SLC39A11: variants seen among roughly 807,000 people sequenced by gnomAD.
SLC39A11 encodes the protein solute carrier family 39 member 11, also known as zinc transporter ZIP11.
SLC39A11 carries 33 observed loss-of-function variants against 36.1 expected under a neutral mutation model. The ratio of observed to expected loss-of-function variants is 0.91; its 90% confidence interval spans 0.69 to 1.22. SLC39A11 has a LOEUF of 1.22. Among genes scored for constraint, SLC39A11 ranks in the 50% most tolerant of loss-of-function variants. The pLI is 0.00. For synonymous variants in SLC39A11, 166 were observed against 170.3 expected (o/e 0.97, Z 0.20); for missense variants, 432 against 430.3 (o/e 1.00, Z -0.03).
Position 72,837,747 on chromosome 17 carries a change from C to G in SLC39A11, c.601+11887G>C, listed in dbSNP as rs79879356. On this transcript the variant is annotated intron_variant, in intron 6 of 9. Transcript: ENST00000255559. The stretch of plus-strand genomic sequence containing the variant: ...TTACTGATACATGCTACAACATCAA[C>G]GAAACTTGGAAGCATCATGCCAAGT... The G allele has an allele frequency of 6.1e-5, 18 of 295,964 alleles. No individual in the cohort carries two copies. In the East Asian group the frequency reaches 9.9e-4, roughly 16 times the overall value. 18.3% of individuals were successfully genotyped at this position (295,964 alleles called of 1,614,324 possible). A position where few individuals can be genotyped will look rare whatever the true frequency, so the allele number is the denominator to read the frequency against.
intron 4 of SLC39A11, among the ~76,000 whole-genome samples, chr17:72,950,311 CCT>C (rs910310717): frequency 3.3e-5 from 5 of 152,190 alleles, no homozygotes; most frequent in African/African-American, 1.2e-4. Flanking sequence ...TGGGTATCCA[CCT>C]CTTCTGTCAC....
At chr17:72,963,498 C>G (rs2147954655) in intron 4 of SLC39A11, among the ~76,000 whole-genome samples, 1 of 151,218 alleles carries the variant, frequency 6.6e-6, no homozygotes, top group Admixed American at 6.6e-5. Flanking sequence ...TAAGGGCCAT[C>G]TCAGATCTCC....
chr17:72,781,477 G>T (rs532054896), intron 6 of SLC39A11, among the ~76,000 whole-genome samples: 2 of 151,232 alleles, frequency 1.3e-5, no homozygotes, highest in African/African-American at 2.4e-5. Context: ...AGGCTGGAGT[G>T]CAATGGCGCG....
At chr17:72,966,633 G>A (rs35345318) in intron 4 of SLC39A11, among the ~76,000 whole-genome samples, 90 of 152,046 alleles carry the variant, frequency 5.9e-4, no homozygotes, top group Non-Finnish European at 6.5e-4. Flanking sequence ...GCAGTGGCGC[G>A]ATCTCTGCTC....
At chr17:72,859,465 A>AGG (rs1051399556) in intron 5 of SLC39A11, among the ~76,000 whole-genome samples, 10 of 152,052 alleles carry the variant, frequency 6.6e-5, no homozygotes, top group African/African-American at 2.4e-4. Context: ...TGAGCCCCTG[A>AGG]GGGGCTCAAG....
intron 4 of SLC39A11, among the ~76,000 whole-genome samples, chr17:72,978,488 G>A (rs767902274): frequency 3.9e-5 from 6 of 152,330 alleles, no homozygotes; most frequent in South Asian, 2.1e-4. Flanking sequence ...CACATTGTGG[G>A]GGGTCAGGGA....
intron 5 of SLC39A11, among the ~76,000 whole-genome samples, chr17:72,863,972 A>G (rs2080176506): frequency 6.6e-6 from 1 of 152,162 alleles, no homozygotes; most frequent in African/African-American, 2.4e-5. Flanking sequence ...AAACATCTCT[A>G]AAGTTGAGTC....
At chr17:73,004,614 C>T (rs1482531352) in intron 4 of SLC39A11, among the ~76,000 whole-genome samples, 1 of 152,270 alleles carries the variant, frequency 6.6e-6, no homozygotes, top group African/African-American at 2.4e-5. Flanking sequence ...CAGGTTGGCA[C>T]TCCACTAGCA....
At chr17:72,765,956 C>T (rs994733075) in intron 6 of SLC39A11, among the ~76,000 whole-genome samples, 1 of 152,148 alleles carries the variant, frequency 6.6e-6, no homozygotes, top group Admixed American at 6.5e-5. Context: ...GATCTACAGT[C>T]GGCGGATAGA....
chr17:72,864,893 C>T (rs927332820), intron 5 of SLC39A11, among the ~76,000 whole-genome samples: 3 of 152,092 alleles, frequency 2.0e-5, no homozygotes, highest in East Asian at 1.9e-4. Flanking sequence ...GTTCCCTGGC[C>T]GAGCCCAGAA....
intron 9 of SLC39A11, 144 bp downstream of exon 9, chr17:72,648,659 G>A: frequency 3.0e-6 from 3 of 990,440 alleles, no homozygotes; most frequent in Non-Finnish European, 4.4e-6. Context: ...CACAGTTGAG[G>A]AGGCAGTGGG....
chr17:72,688,178 T>C (rs1224939244), intron 7 of SLC39A11, among the ~76,000 whole-genome samples: 1 of 152,092 alleles, frequency 6.6e-6, no homozygotes, highest in Admixed American at 6.5e-5. Context: ...CCGTTTCTGC[T>C]CTGAATGAGG....
At chr17:72,677,210 T>C (rs937337042) in intron 7 of SLC39A11, among the ~76,000 whole-genome samples, 2 of 152,196 alleles carry the variant, frequency 1.3e-5, no homozygotes, top group African/African-American at 4.8e-5. Context: ...GCAGCCAGCA[T>C]TCCTGACCCT....
At chr17:72,808,835 T>C (rs1002886071) in intron 6 of SLC39A11, among the ~76,000 whole-genome samples, 1 of 151,752 alleles carries the variant, frequency 6.6e-6, no homozygotes, top group Middle Eastern at 3.4e-3. Context: ...CTTCCACACC[T>C]CTATGATTTC....
chr17:72,958,655 A>G (rs2086399969), intron 4 of SLC39A11, among the ~76,000 whole-genome samples: 1 of 152,200 alleles, frequency 6.6e-6, no homozygotes, highest in South Asian at 2.1e-4. Context: ...ATTCGAGACC[A>G]GCCTGGCCAA....
At chr17:72,833,389 T>G (rs2078370803) in intron 6 of SLC39A11, among the ~76,000 whole-genome samples, 1 of 152,304 alleles carries the variant, frequency 6.6e-6, no homozygotes, top group South Asian at 2.1e-4. Flanking sequence ...AAGCAGCAAA[T>G]GAAGTGCTGT....
intron 6 of SLC39A11, among the ~76,000 whole-genome samples, chr17:72,739,658 C>T (rs146270447): frequency 1.3e-5 from 2 of 152,322 alleles, no homozygotes; most frequent in African/African-American, 2.4e-5. Context: ...TCAGCGTGCA[C>T]GTGCACACCT....
intron 4 of SLC39A11, among the ~76,000 whole-genome samples, chr17:72,952,194 C>T (rs1052188742): frequency 1.3e-5 from 2 of 152,208 alleles, no homozygotes; most frequent in African/African-American, 4.8e-5. Context: ...TCGCTATCTC[C>T]ATACCTGGCA....
At chr17:72,677,880 G>A (rs1002051789) in intron 7 of SLC39A11, among the ~76,000 whole-genome samples, 2 of 152,114 alleles carry the variant, frequency 1.3e-5, no homozygotes, top group African/African-American at 2.4e-5. Context: ...GGCTACCGAC[G>A]GCCTTTCCCC....
Sources: gnomAD v4.1 joint callset for allele counts (sites outside exome capture counted in the v4.1 genomes callset) on GRCh38, gnomAD v4.1.1 for gene constraint, MANE v1.5 for transcripts, NCBI Gene and HGNC (gene_info 2026-07-23, HGNC 2026-07-21) for gene names.